Variants in DNTTIP1 observed in about 807,000 individuals in gnomAD.
The protein encoded by DNTTIP1 is deoxynucleotidyltransferase terminal-interacting protein 1.
A neutral mutation model predicts 52.9 loss-of-function variants in DNTTIP1; 22 were observed. The observed-to-expected ratio is 0.42, with a 90% CI of 0.30 to 0.59. The LOEUF (loss-of-function observed/expected upper bound fraction) is 0.59, where lower values mean the gene tolerates loss of function less well. Ranked by LOEUF, DNTTIP1 falls within the 20% of genes least tolerant of loss-of-function variation. The probability of loss-of-function intolerance (pLI) is 0.22; values close to 1 mark genes in which losing one functional copy is unlikely to be tolerated. For missense variants in DNTTIP1, 286 were observed against 435.5 expected, an observed-to-expected ratio of 0.66 and a Z score of 3.06; for synonymous variants, 136 against 155.1, an observed-to-expected ratio of 0.88 and a Z score of 0.92.
chr20:45,795,416 G>T lies in DNTTIP1; in HGVS notation c.345G>T (p.Gln115His). 6.2e-7 allele frequency: 1 copy of T among 1,610,718 alleles called. No homozygotes were observed. Among genetic ancestry groups the T allele is most frequent in the South Asian group, 1.1e-5 (1 of 90,334 alleles). The change falls in exon 4 of 13, where the codon CAG becomes CAT. Residue 115 changes from glutamine to histidine, a missense_variant. This residue lies in a region of DNTTIP1 where 208 missense variants were observed against 266.5 expected (regional missense o/e 0.78). Transcript: ENST00000372622. ...GEEVDAEQLI[Q>H]EACRSCLEQA... ...AGGTGGACGCAGAGCAGCTGATCCAGGAAGCCTGTCGGAGCTGCCTGGAGC... is the reference window on the plus strand; with the variant it reads ...AGGTGGACGCAGAGCAGCTGATCCATGAAGCCTGTCGGAGCTGCCTGGAGC...
In DNTTIP1 at chr20:45,803,367, G is replaced by A. The variant is rs1398130880; in HGVS notation, c.592G>A (p.Glu198Lys). The A allele has an allele frequency of 6.2e-7, 1 of 1,614,162 alleles. No homozygotes were observed. Among genetic ancestry groups the A allele is most frequent in the Admixed American group, 1.7e-5 (1 of 60,014 alleles). The change falls in exon 8 of 13, where the codon GAA becomes AAA. Residue 198 changes from glutamate (E) to lysine (K), a missense_variant. By Grantham distance (56) the Glu-to-Lys change is moderately conservative. This residue lies in a region of DNTTIP1 where 208 missense variants were observed against 266.5 expected (regional missense o/e 0.78). Transcript: ENST00000372622. ...AAAATCCTGTGAACCAATTCGCCGGGAAGGCCCCAAGGTATGATTATGTGA... is the reference window on the plus strand; with the variant it reads ...AAAATCCTGTGAACCAATTCGCCGGAAAGGCCCCAAGGTATGATTATGTGA... ...KPKSCEPIRR[E>K]GPKWDPARLN...
intron 10 of DNTTIP1, among the ~76,000 whole-genome samples, chr20:45,807,333 G>A (rs1312451687): frequency 2.6e-5 from 4 of 151,920 alleles, no homozygotes. Flanking sequence ...TCTTGGCCAG[G>A]CTGCTCTCAA....
intron 6 of DNTTIP1, 120 bp from the exon 7 acceptor site, chr20:45,801,879 C>T (rs1465779898): frequency 1.2e-5 from 12 of 1,021,170 alleles, no homozygotes; most frequent in Non-Finnish European, 1.9e-5. Flanking sequence ...TCTCCCTGTC[C>T]CTGTCAAACA....
intron 11 of DNTTIP1, 76 bp from the exon 12 acceptor site, chr20:45,810,808 CA>C (rs1981811171): frequency 7.2e-7 from 1 of 1,384,440 alleles, no homozygotes; most frequent in Non-Finnish European, 1.0e-6. Context: ...TTACATTAAA[CA>C]GATGTTTAAT....
chr20:45,809,663 G>C lies in DNTTIP1; in HGVS notation c.795+478G>C, dbSNP rs1342728166. On this transcript the variant is annotated intron_variant, in intron 11 of 12. Coordinates refer to ENST00000372622, the MANE Select transcript of DNTTIP1 (RefSeq NM_052951.3). The surrounding 1 kb of genome is among the most constrained non-coding windows in gnomAD (Gnocchi z 4.2). ...CCTTCCAGATTTACCTCTACTTGAA[G>C]AGTTCTCAGATCATATGAAACAGCA... Among the ~76,000 whole-genome samples the C allele has an allele frequency of 1.3e-5, 2 of 152,204 alleles. No individual in the cohort carries two copies. Among genetic ancestry groups the C allele is most frequent in the Non-Finnish European group, 2.9e-5 (2 of 68,046 alleles).
chr20:45,799,324 A>G (rs912375898), intron 4 of DNTTIP1, among the ~76,000 whole-genome samples: 3 of 152,266 alleles, frequency 2.0e-5, no homozygotes, highest in African/African-American at 7.2e-5. Context: ...AAGTGTGGCC[A>G]CAGGAGCCTG....
chr20:45,792,394 A>G (rs1981053464), intron 1 of DNTTIP1: 1 of 437,384 alleles, frequency 2.3e-6, no homozygotes, highest in South Asian at 5.5e-5. Context: ...AGGCGGGTAC[A>G]ACGCCCCGGA....
chr20:45,801,742 C>G (rs1981480401), intron 6 of DNTTIP1, among the ~76,000 whole-genome samples: 1 of 152,216 alleles, frequency 6.6e-6, no homozygotes, highest in African/African-American at 2.4e-5. Context: ...GAGCTATGAT[C>G]ATGCCACTGC....
intron 4 of DNTTIP1, among the ~76,000 whole-genome samples, chr20:45,796,777 A>G (rs924471357): frequency 1.3e-5 from 2 of 152,132 alleles, no homozygotes; most frequent in Non-Finnish European, 2.9e-5. Flanking sequence ...CGGGGTCGCT[A>G]GTAACTTCCG....
At chr20:45,799,229 G>A (rs532932487) in intron 4 of DNTTIP1, among the ~76,000 whole-genome samples, 1 of 152,294 alleles carries the variant, frequency 6.6e-6, no homozygotes, top group South Asian at 2.1e-4. Context: ...TAATGAGAGA[G>A]GATAGGGAAA....
At chr20:45,794,048 G>C (rs1259536074) in intron 3 of DNTTIP1, 31 bp downstream of exon 3, 1 of 1,464,600 alleles carries the variant, frequency 6.8e-7, no homozygotes. Flanking sequence ...AAAATAACAG[G>C]AGAAAGACTC....
rs1206865882 is a variant in DNTTIP1, at chr20:45,801,148, A to T, written c.441+6A>T. ...ATGAGCTTCCAGGAATAAAGGTCAG[A>T]GTCACTGTGTTCTCGGGTATTGGAG... On this transcript the variant is annotated splice_donor_region_variant and intron_variant, in intron 5 of 12. Transcript: ENST00000372622. 1 of 1,613,630 alleles carries T rather than the reference A, an allele frequency of 6.2e-7. No individual in the cohort carries two copies. The highest frequency in any genetic ancestry group is 8.5e-7 in the Non-Finnish European group (1 of 1,179,654).
rs1475116325 is a variant in DNTTIP1, at chr20:45,801,138, T to C, written c.437T>C (p.Ile146Thr). The part of the protein sequence containing the change: ...IPRLTHELPG[I>T]KRGRQAEEEC... ...AGATTGACCCATGAGCTTCCAGGAATAAAGGTCAGAGTCACTGTGTTCTCG... is the reference window on the plus strand; with the variant it reads ...AGATTGACCCATGAGCTTCCAGGAACAAAGGTCAGAGTCACTGTGTTCTCG... The change falls in exon 5 of 13, where the codon ATA (isoleucine) becomes ACA (threonine). Residue 146 changes from isoleucine to threonine, a missense_variant. Transcript: ENST00000372622. 11 of 1,613,768 alleles carry C rather than the reference T, an allele frequency of 6.8e-6. No homozygotes were observed. The highest frequency in any genetic ancestry group is 9.3e-6 in the Non-Finnish European group (11 of 1,179,856).
intron 4 of DNTTIP1, among the ~76,000 whole-genome samples, chr20:45,799,922 G>A (rs139393795): frequency 0.039 from 5,738 of 146,046 alleles, 140 homozygotes; most frequent in Middle Eastern, 0.06. Flanking sequence ...CCTAGCCAAC[G>A]TGATAAAACC....
chr20:45,810,862 A>G (rs747578183), intron 11 of DNTTIP1, 23 bp from the exon 12 acceptor site: 5 of 1,612,062 alleles, frequency 3.1e-6, no homozygotes, highest in Non-Finnish European at 4.2e-6. Context: ...GGCAATGACC[A>G]CTCTCCCTTG....
rs201262091 is a variant in DNTTIP1 at position 45,795,395 on chromosome 20, G to A, written c.324G>A (p.Val108=). The change falls in exon 4 of 13, where the codon GTG becomes GTA. Residue 108 remains valine, a synonymous_variant. Transcript: ENST00000372622. ...LNVRDNVGEE[V]DAEQLIQEAC... Reference sequence around the variant, plus strand: ...TGCGAGACAATGTTGGGGAGGAGGTGGACGCAGAGCAGCTGATCCAGGAAG... The same window carrying A: ...TGCGAGACAATGTTGGGGAGGAGGTAGACGCAGAGCAGCTGATCCAGGAAG... 3 of 1,611,756 alleles carry A rather than the reference G, an allele frequency of 1.9e-6. No individual in the cohort carries two copies. Among genetic ancestry groups the A allele is most frequent in the Admixed American group, 1.7e-5 (1 of 59,818 alleles).
chr20:45,807,092 G>C (rs1418851748), intron 10 of DNTTIP1, among the ~76,000 whole-genome samples: 1 of 151,372 alleles, frequency 6.6e-6, no homozygotes, highest in African/African-American at 2.4e-5. Flanking sequence ...GTCTGTTTTT[G>C]TCCTGTATAA....
intron 3 of DNTTIP1, among the ~76,000 whole-genome samples, chr20:45,794,801 A>AAAT (rs1235639907): frequency 1.5e-5 from 2 of 130,002 alleles, no homozygotes; most frequent in Non-Finnish European, 3.4e-5. Context: ...AAAAAAAAAA[A>AAAT]TTTTTTTTTT....
intron 4 of DNTTIP1, among the ~76,000 whole-genome samples, chr20:45,797,116 A>G (rs1981267272): frequency 6.6e-6 from 1 of 152,198 alleles, no homozygotes; most frequent in South Asian, 2.1e-4. Context: ...ACCGTTACCC[A>G]GTTCCAATCC....
Sources: gnomAD v4.1 joint callset for allele counts (sites outside exome capture counted in the v4.1 genomes callset) on GRCh38, gnomAD v4.1.1 for gene constraint, gnomAD v4.1.1 regional missense constraint, Gnocchi (gnomAD v3.1) non-coding constraint, MANE v1.5 for transcripts, NCBI Gene and HGNC (gene_info 2026-07-23, HGNC 2026-07-21) for gene names.